The following ABCC1 variants were observed in gnomAD, a reference collection of about 807,000 sequenced individuals.
ABCC1 encodes the protein ATP binding cassette subfamily C member 1 (ABCC1 blood group).
A neutral mutation model predicts 172.9 loss-of-function variants in ABCC1; 83 were observed. The observed-to-expected ratio is 0.48, with a 90% CI of 0.40 to 0.58. The LOEUF is 0.58. Among genes scored for constraint, ABCC1 ranks in the 20% least tolerant of loss-of-function variants. ABCC1 has a pLI of 0.00. For missense variants in ABCC1, 1,817 were observed against 2,002.7 expected (o/e 0.91, Z 1.77); for synonymous variants, 937 against 825.2 (o/e 1.14, Z -2.32).
chr16:16,057,180 T>TA (rs34088403), intron 12 of ABCC1, among the ~76,000 whole-genome samples: 1,526 of 96,870 alleles, frequency 0.016, 27 homozygotes, highest in Admixed American at 0.058. Flanking sequence ...TGTTACTGCT[T>TA]AAAAAAAAAA....
At chr16:16,010,495 T>C (rs1349290427) in intron 3 of ABCC1, among the ~76,000 whole-genome samples, 3 of 152,296 alleles carry the variant, frequency 2.0e-5, no homozygotes, top group South Asian at 4.1e-4. Context: ...TGGTCACTTA[T>C]ATACTAACTG....
rs765562029 is a variant in ABCC1, at chr16:16,131,775, C to G, written c.3820-14C>G. ...CTGGAAATTCCTTACTCTCTCCCTT[C>G]ACTGCGATCGAAGGCGCCCTGGCAA... On this transcript the variant is annotated splice_polypyrimidine_tract_variant and intron_variant, in intron 26 of 30. Transcript: ENST00000399410. 6.2e-7 allele frequency: 1 copy of G among 1,612,284 alleles called. No individual in the cohort carries two copies. Among genetic ancestry groups the G allele is most frequent in the Non-Finnish European group, 8.5e-7 (1 of 1,179,304 alleles).
chr16:16,029,384 G>A (rs578052910), intron 5 of ABCC1, among the ~76,000 whole-genome samples: 3 of 152,008 alleles, frequency 2.0e-5, no homozygotes, highest in African/African-American at 7.2e-5. Context: ...CACCATGTCC[G>A]GCCAATTTTT....
chr16:15,998,209 C>T (rs2047125507), intron 1 of ABCC1, among the ~76,000 whole-genome samples: 1 of 152,010 alleles, frequency 6.6e-6, no homozygotes, highest in Non-Finnish European at 1.5e-5. Flanking sequence ...ACTGCAGCCT[C>T]AAGCCCCTAG....
chr16:15,970,323 G>A (rs1039920636), intron 1 of ABCC1, among the ~76,000 whole-genome samples: 91 of 152,168 alleles, frequency 6.0e-4, no homozygotes, highest in African/African-American at 2.1e-3. Context: ...GGCACAACCT[G>A]GAGGTTGCCT....
At chr16:15,986,897 G>A (rs552443833) in intron 1 of ABCC1, among the ~76,000 whole-genome samples, 5 of 152,284 alleles carry the variant, frequency 3.3e-5, no homozygotes, top group African/African-American at 7.2e-5. Context: ...GAAGGAGGCC[G>A]GGTGCAGTGG....
Position 16,029,090 on chromosome 16 carries a change from A to G in ABCC1, c.616-4019A>G, listed in dbSNP as rs567578351. ...GGCTGGGAACTTCATCACCCCTCCGAGCCCCAGAGCGGAGCCTGATCCTTA... is the reference window on the plus strand; with the variant it reads ...GGCTGGGAACTTCATCACCCCTCCGGGCCCCAGAGCGGAGCCTGATCCTTA... On this transcript the variant is annotated intron_variant, in intron 5 of 30. Transcript: ENST00000399410. 3.9e-5 allele frequency among the ~76,000 whole-genome samples: 6 copies of G among 152,290 alleles called. No homozygotes were observed. In the South Asian group the frequency reaches 1.2e-3, roughly 32 times the overall value.
intron 1 of ABCC1, among the ~76,000 whole-genome samples, chr16:15,950,239 G>A (rs2151464572): frequency 6.6e-6 from 1 of 152,272 alleles, no homozygotes; most frequent in Admixed American, 6.5e-5. Flanking sequence ...GACCAACGGG[G>A]TGAGCTGGGG....
intron 1 of ABCC1, among the ~76,000 whole-genome samples, chr16:15,969,480 C>T (rs1199105995): frequency 6.7e-6 from 1 of 150,358 alleles, no homozygotes; most frequent in Non-Finnish European, 1.5e-5. Context: ...TCGAGTGATT[C>T]TCCTGCCTCA....
intron 6 of ABCC1, among the ~76,000 whole-genome samples, 166 bp from the exon 7 acceptor site, chr16:16,036,306 A>G (rs1024432870): frequency 3.3e-5 from 5 of 151,820 alleles, no homozygotes; most frequent in African/African-American, 1.2e-4. Flanking sequence ...GCAAATGTCC[A>G]TCTGCATTCT....
In ABCC1 at chr16:16,114,771, G is replaced by T; in HGVS notation, c.3085G>T (p.Ala1029Ser). 1.3e-6 allele frequency: 2 copies of T among 1,592,832 alleles called. No individual in the cohort carries two copies. Among genetic ancestry groups the T allele is most frequent in the Admixed American group, 1.7e-5 (1 of 59,536 alleles). The change falls in exon 23 of 31, where the codon GCC (alanine) becomes TCC (serine). Residue 1029 changes from alanine (A) to serine (S), a missense_variant. Around this residue, in one of 3 missense-constraint regions of ABCC1, gnomAD observed 1,412 missense variants for 1,600.3 expected, o/e 0.88. Transcript: ENST00000399410. The stretch of plus-strand genomic sequence containing the variant: ...TTAACTCCGAGTGTCTGCAGGGATC[G>T]CCGTGTTTGGCTACTCCATGGCCGT... Reference protein sequence around the residue: ...YGALGISQGIAVFGYSMAVSI... With the variant: ...YGALGISQGISVFGYSMAVSI...
chr16:16,113,792 G>A (rs901817108), intron 22 of ABCC1, among the ~76,000 whole-genome samples: 4 of 152,218 alleles, frequency 2.6e-5, no homozygotes, highest in Non-Finnish European at 1.5e-5. Flanking sequence ...ACCAGGGACT[G>A]GTTTCATGGA....
chr16:15,968,103 C>T (rs755462727), intron 1 of ABCC1, among the ~76,000 whole-genome samples: 5 of 152,120 alleles, frequency 3.3e-5, no homozygotes, highest in South Asian at 2.1e-4. Context: ...TCTCGGCTCA[C>T]GGCAACCTCC....
Position 16,114,837 on chromosome 16 carries a change from G to GACCTGCTGC in ABCC1, c.3154_3162dup (p.Leu1052_His1054dup). ...CTTGGCTTCCCGCTGTCTGCACGTG[G>GACCTGCTGC]ACCTGCTGCACAGCATCCTGCGGTC... On this transcript the variant is annotated inframe_insertion, in exon 23 of 31. Coordinates refer to ENST00000399410, the MANE Select transcript of ABCC1 (RefSeq NM_004996.4). 6.2e-7 allele frequency: 1 copy of GACCTGCTGC among 1,613,036 alleles called. No homozygotes were observed. The highest frequency in any genetic ancestry group is 8.5e-7 in the Non-Finnish European group (1 of 1,179,098).
intron 8 of ABCC1, 45 bp from the exon 9 acceptor site, chr16:16,045,791 C>G (rs766610417): frequency 6.3e-7 from 1 of 1,593,502 alleles, no homozygotes; most frequent in Non-Finnish European, 8.6e-7. Context: ...TCCCTGCCCC[C>G]ACGTGTCACA....
intron 23 of ABCC1, among the ~76,000 whole-genome samples, chr16:16,117,328 G>A (rs2044933020): frequency 6.6e-6 from 1 of 152,154 alleles, no homozygotes; most frequent in African/African-American, 2.4e-5. Context: ...CAGATCTTGT[G>A]AGAACTAACT....
Position 16,120,516 on chromosome 16 carries a change from G to A in ABCC1, c.3391-1459G>A, listed in dbSNP as rs181587263. Among the ~76,000 whole-genome samples the A allele has an allele frequency of 6.6e-5, 10 of 152,278 alleles. No homozygotes were observed. The East Asian group carries it at 1.9e-3, about 29-fold the overall frequency. On this transcript the variant is annotated intron_variant, in intron 23 of 30. Transcript: ENST00000399410. ...GGTTGGGGGAGGCAGAGCAGATGAA[G>A]CATCTGCCCGCGAGGGTGGGTGGAG...
intron 21 of ABCC1, among the ~76,000 whole-genome samples, chr16:16,109,704 C>T (rs966497331): frequency 1.3e-5 from 2 of 152,168 alleles, no homozygotes; most frequent in South Asian, 4.1e-4. Flanking sequence ...CCAACCTTCA[C>T]CTCCTGGAGC....
intron 20 of ABCC1, among the ~76,000 whole-genome samples, chr16:16,103,540 A>G (rs1422064816): frequency 1.3e-5 from 2 of 152,134 alleles, no homozygotes; most frequent in African/African-American, 4.8e-5. Flanking sequence ...AGATTGCGCC[A>G]TGGCACTCCA....
Sources: gnomAD v4.1 joint callset for allele counts (sites outside exome capture counted in the v4.1 genomes callset) on GRCh38, gnomAD v4.1.1 for gene constraint, gnomAD v4.1.1 regional missense constraint, MANE v1.5 for transcripts, NCBI Gene and HGNC (gene_info 2026-07-23, HGNC 2026-07-21) for gene names.